TSPEAR: variants seen among roughly 807,000 people sequenced by gnomAD.
TSPEAR encodes thrombospondin type laminin G domain and EAR repeats, also known as thrombospondin-type laminin G domain and EAR repeat-containing protein.
Under a neutral mutation model 71.6 loss-of-function variants are expected in TSPEAR, and 69 were observed. The observed-to-expected ratio is 0.96, with a 90% CI of 0.79 to 1.18. TSPEAR has a LOEUF of 1.18. TSPEAR is among the 50% of genes most tolerant of loss of function. The probability of loss-of-function intolerance (pLI) is 0.00; values close to 1 mark genes in which losing one functional copy is unlikely to be tolerated. For synonymous variants in TSPEAR, 402 were observed against 387.2 expected (o/e 1.04, Z -0.45); for missense variants, 971 against 894.9 (o/e 1.09, Z -1.09).
chr21:44,689,739 A>ATATATATATATATATTTTTTTTTT (rs1555949531), intron 1 of TSPEAR, among the ~76,000 whole-genome samples: 1 of 128,172 alleles, frequency 7.8e-6, no homozygotes, highest in African/African-American at 3.2e-5. Flanking sequence ...ATATATATAT[A>ATATATATATATATATTTTTTTTTT]TTTTGGGGGG....
chr21:44,523,148 AG>A (rs1555914492), intron 8 of TSPEAR, among the ~76,000 whole-genome samples: 1 of 139,300 alleles, frequency 7.2e-6, no homozygotes, highest in African/African-American at 3.4e-5. Context: ...TTAATTTGTC[AG>A]TCAGGTAGTT....
chr21:44,697,118 T>G (rs2146321334), intron 1 of TSPEAR: 1 of 1,566,854 alleles, frequency 6.4e-7, no homozygotes, highest in East Asian at 2.3e-5. Flanking sequence ...ACTCACTCAC[T>G]CCCTCCTTCC....
chr21:44,639,882 TG>T (rs1237496802), intron 1 of TSPEAR, among the ~76,000 whole-genome samples: 9 of 152,208 alleles, frequency 5.9e-5, no homozygotes, highest in African/African-American at 2.4e-5. Context: ...TACCTCCTGG[TG>T]GGGGGTCTCA....
chr21:44,560,328 A>G (rs187486274), intron 2 of TSPEAR, among the ~76,000 whole-genome samples: 92 of 152,338 alleles, frequency 6.0e-4, no homozygotes, highest in Non-Finnish European at 1.1e-3. Flanking sequence ...ACCCAGTTTC[A>G]TAAAACAAGC....
At chr21:44,640,930 G>A (rs1555938424) in intron 1 of TSPEAR, among the ~76,000 whole-genome samples, 2 of 152,188 alleles carry the variant, frequency 1.3e-5, no homozygotes. Context: ...GGGTGGGGTT[G>A]GCCCAGGAGA....
At chr21:44,627,666 G>T (rs1982934275) in intron 1 of TSPEAR, 17 of 1,613,656 alleles carry the variant, frequency 1.1e-5, no homozygotes, top group Non-Finnish European at 1.4e-5. Context: ...GCTGCCAACA[G>T]TCTAGCTGCC....
chr21:44,680,347 C>A (rs1986521296), intron 1 of TSPEAR, among the ~76,000 whole-genome samples: 1 of 152,140 alleles, frequency 6.6e-6, no homozygotes, highest in African/African-American at 2.4e-5. Flanking sequence ...GAGATAGCAT[C>A]ATCTTACCCC....
rs1555931458 is a variant in TSPEAR, at chr21:44,612,673, T to C, written c.83-44668A>G. The C allele has an allele frequency of 6.2e-7, 1 of 1,614,018 alleles. No individual in the cohort carries two copies. ...CTTCCTCTCTGTGCTGCCAGAAGTC[T>C]AGCTGCCAGCCGGCTTGCTGCACCA... On this transcript the variant is annotated intron_variant, in intron 1 of 11. Coordinates refer to ENST00000323084, the MANE Select transcript of TSPEAR (RefSeq NM_144991.3). The surrounding 1 kb of genome is among the most constrained non-coding windows in gnomAD (Gnocchi z 4.1).
chr21:44,508,892 G>A, intron 10 of TSPEAR: 1 of 1,469,870 alleles, frequency 6.8e-7, no homozygotes, highest in Non-Finnish European at 9.2e-7. Context: ...CGACGGGCAT[G>A]AAGCCCCCTC....
At chr21:44,708,577 C>A (rs1052807081) in intron 1 of TSPEAR, among the ~76,000 whole-genome samples, 1 of 152,172 alleles carries the variant, frequency 6.6e-6, no homozygotes, top group Non-Finnish European at 1.5e-5. Context: ...TGCAAATCTG[C>A]GCCATCATTT....
At chr21:44,561,674 A>G (rs2053635095) in intron 2 of TSPEAR, among the ~76,000 whole-genome samples, 1 of 152,250 alleles carries the variant, frequency 6.6e-6, no homozygotes, top group East Asian at 1.9e-4. Context: ...AGCTGGCTCA[A>G]CATAGGCAAA....
At chr21:44,521,826 A>T in intron 9 of TSPEAR, 57 bp downstream of exon 9, 1 of 1,486,926 alleles carries the variant, frequency 6.7e-7, no homozygotes, top group Non-Finnish European at 9.3e-7. Flanking sequence ...CAGCAGGTGC[A>T]GGTGACAGAC....
chr21:44,582,179 G>C (rs1050020918), intron 1 of TSPEAR, among the ~76,000 whole-genome samples: 3 of 152,236 alleles, frequency 2.0e-5, no homozygotes, highest in African/African-American at 7.2e-5. Context: ...CACGGCGCAG[G>C]TGCGGTCTCC....
At chr21:44,633,662 G>A (rs1983379574) in intron 1 of TSPEAR, among the ~76,000 whole-genome samples, 1 of 152,252 alleles carries the variant, frequency 6.6e-6, no homozygotes, top group Middle Eastern at 3.4e-3. Context: ...CTAATCTGGA[G>A]AACTGAGAAG....
At chr21:44,542,152 G>A (rs987782364) in intron 2 of TSPEAR, among the ~76,000 whole-genome samples, 4 of 152,060 alleles carry the variant, frequency 2.6e-5, no homozygotes, top group Non-Finnish European at 4.4e-5. Flanking sequence ...TTCTGGAAAC[G>A]AAGAACACAA....
At chr21:44,562,833 A>G (rs76055429) in intron 2 of TSPEAR, among the ~76,000 whole-genome samples, 2,963 of 152,300 alleles carry the variant, frequency 0.019, 81 homozygotes, top group African/African-American at 0.066. Flanking sequence ...GAGGGAATCT[A>G]TTACCTGCAG....
intron 1 of TSPEAR, chr21:44,697,316 C>G: frequency 1.9e-6 from 3 of 1,613,422 alleles, no homozygotes; most frequent in Non-Finnish European, 2.5e-6. Flanking sequence ...CTGCTGTGAG[C>G]CCCCCTGCTG....
rs2053309545 is a variant in TSPEAR at position 44,546,708 on chromosome 21, G to C, written c.304-12785C>G. ...GGTTTCCCCTGCCGCTGTACCCCAAGCCAGCATGTGAAATATGTCATCCCA... is the reference window on the plus strand; with the variant it reads ...GGTTTCCCCTGCCGCTGTACCCCAACCCAGCATGTGAAATATGTCATCCCA... On this transcript the variant is annotated intron_variant, in intron 2 of 11. Coordinates refer to ENST00000323084, the MANE Select transcript of TSPEAR (RefSeq NM_144991.3). This position sits in a 1 kb window ranked among gnomAD's most constrained non-coding sequence, Gnocchi z 4.4. Among the ~76,000 whole-genome samples the C allele has an allele frequency of 6.6e-6, 1 of 152,170 alleles. No homozygotes were observed.
chr21:44,591,202 G>C, intron 1 of TSPEAR: 1 of 1,266,668 alleles, frequency 7.9e-7, no homozygotes, highest in Non-Finnish European at 1.1e-6. Context: ...ACTTGGGTCT[G>C]GGGGAGTAGC....
Sources: allele counts gnomAD v4.1 joint callset (sites outside exome capture counted in the v4.1 genomes callset), GRCh38; gene constraint gnomAD v4.1.1; non-coding constraint Gnocchi (gnomAD v3.1); transcripts MANE v1.5; gene names NCBI Gene and HGNC (gene_info 2026-07-23, HGNC 2026-07-21).